SH3RF3: variants seen among roughly 807,000 people sequenced by gnomAD.
The protein encoded by SH3RF3 is E3 ubiquitin-protein ligase SH3RF3.
SH3RF3 carries 29 observed loss-of-function variants against 66.3 expected under a neutral mutation model. The ratio of observed to expected loss-of-function variants is 0.44; its 90% CI spans 0.33 to 0.60. SH3RF3 has a LOEUF of 0.60. SH3RF3 is among the 20% of genes least tolerant of loss of function. SH3RF3 has a pLI of 0.04. For synonymous variants in SH3RF3, 583 were observed against 532.0 expected, an observed-to-expected ratio of 1.10 and a Z score of -1.32; for missense variants, 1,194 against 1,190.9, an observed-to-expected ratio of 1.00 and a Z score of -0.04.
chr2:109,453,421 T>C (rs1328968366), intron 8 of SH3RF3, among the ~76,000 whole-genome samples: 1 of 152,224 alleles, frequency 6.6e-6, no homozygotes, highest in African/African-American at 2.4e-5. Context: ...ACACTGCCTA[T>C]TGTGTCCATC....
Position 109,221,512 on chromosome 2 carries a change from G to A in SH3RF3, c.573+91399G>A, listed in dbSNP as rs574427910. On this transcript the variant is annotated intron_variant, in intron 1 of 9. Transcript: ENST00000309415. Reference sequence around the variant, plus strand: ...GCAGAGAATTGCTTGAACCTGGGAGGCAGAGGCTGCGGTAAGCCGCGATCG... The same window carrying A: ...GCAGAGAATTGCTTGAACCTGGGAGACAGAGGCTGCGGTAAGCCGCGATCG... Among the ~76,000 whole-genome samples, 153 of 151,372 alleles carry A rather than the reference G, an allele frequency of 1.0e-3. 1 individual carries two copies. The highest frequency in any genetic ancestry group is 3.6e-3 in the African/African-American group (146 of 41,096).
At chr2:109,478,702 G>C (rs1368685141) in intron 8 of SH3RF3, among the ~76,000 whole-genome samples, 1 of 152,160 alleles carries the variant, frequency 6.6e-6, no homozygotes, top group Admixed American at 6.5e-5. Context: ...AGGGAGAGAG[G>C]GGGAGAGTCT....
intron 1 of SH3RF3, among the ~76,000 whole-genome samples, chr2:109,267,465 A>G (rs966953255): frequency 1.3e-5 from 2 of 152,226 alleles, no homozygotes; most frequent in Admixed American, 6.5e-5. Context: ...GCTGCTTTTC[A>G]TAAAGACAGA....
intron 1 of SH3RF3, among the ~76,000 whole-genome samples, chr2:109,177,775 G>T (rs1677957055): frequency 6.6e-6 from 1 of 152,196 alleles, no homozygotes; most frequent in Non-Finnish European, 1.5e-5. Context: ...GTAGATTTCA[G>T]ATGTAAGAAA....
chr2:109,403,199 G>C (rs1378447357), intron 4 of SH3RF3, among the ~76,000 whole-genome samples: 2 of 152,224 alleles, frequency 1.3e-5, no homozygotes, highest in Non-Finnish European at 1.5e-5. Context: ...CATGAAGCCT[G>C]GGAGCACAGC....
chr2:109,383,064 C>CA (rs1407837205), intron 3 of SH3RF3, among the ~76,000 whole-genome samples: 1 of 152,230 alleles, frequency 6.6e-6, no homozygotes, highest in Non-Finnish European at 1.5e-5. Context: ...AAACCGGTGT[C>CA]AGATTCCATG....
chr2:109,255,156 G>C (rs188503368), intron 1 of SH3RF3, among the ~76,000 whole-genome samples: 1 of 152,130 alleles, frequency 6.6e-6, no homozygotes, highest in African/African-American at 2.4e-5. Context: ...ACATGTGCAC[G>C]TGTGCAACTC....
intron 4 of SH3RF3, among the ~76,000 whole-genome samples, chr2:109,416,714 AGCAAGAC>A (rs1416875098): frequency 1.3e-5 from 2 of 151,880 alleles, no homozygotes; most frequent in African/African-American, 2.4e-5. Context: ...TGGGTGACAG[AGCAAGAC>A]TCTGTCTCAA....
At chr2:109,422,685 C>T (rs990914979) in intron 5 of SH3RF3, among the ~76,000 whole-genome samples, 1 of 152,188 alleles carries the variant, frequency 6.6e-6, no homozygotes, top group African/African-American at 2.4e-5. Context: ...ATTGTCTGCT[C>T]CTAGAGGCCA....
intron 3 of SH3RF3, among the ~76,000 whole-genome samples, chr2:109,376,181 C>T (rs931757737): frequency 2.6e-5 from 4 of 152,254 alleles, no homozygotes; most frequent in Admixed American, 6.5e-5. Flanking sequence ...TGTGTCATTC[C>T]TGAGCACTGA....
chr2:109,134,440 T>C (rs1676772196), intron 1 of SH3RF3, among the ~76,000 whole-genome samples: 1 of 152,182 alleles, frequency 6.6e-6, no homozygotes, highest in Non-Finnish European at 1.5e-5. Context: ...AGAAGGCCCC[T>C]GAGTGTGGAA....
chr2:109,421,934 G>A (rs1676894548), intron 5 of SH3RF3, among the ~76,000 whole-genome samples: 1 of 152,184 alleles, frequency 6.6e-6, no homozygotes, highest in African/African-American at 2.4e-5. Flanking sequence ...GATGCATTCT[G>A]AAAACATGAC....
In SH3RF3 at chr2:109,229,251, T is replaced by G. The variant is rs142147733; in HGVS notation, c.573+99138T>G. ...TCCCCCTTTTTAGTACACTTCTTAT[T>G]TGGAGCAGTGGTGAGTAGAGTATGA... On this transcript the variant is annotated intron_variant, in intron 1 of 9. Transcript: ENST00000309415. Among the ~76,000 whole-genome samples the G allele has an allele frequency of 7.2e-3, 1,099 of 152,300 alleles. 7 individuals carry two copies. The highest frequency in any genetic ancestry group is 0.01 in the Non-Finnish European group (692 of 68,020).
intron 4 of SH3RF3, among the ~76,000 whole-genome samples, chr2:109,399,726 C>T (rs1036283781): frequency 2.6e-5 from 4 of 152,254 alleles, no homozygotes; most frequent in Admixed American, 1.3e-4. Context: ...GTGGCATGCA[C>T]AGGGCAGGAG....
At chr2:109,317,236 C>G (rs947738216) in intron 1 of SH3RF3, among the ~76,000 whole-genome samples, 2 of 152,098 alleles carry the variant, frequency 1.3e-5, no homozygotes, top group Non-Finnish European at 2.9e-5. Flanking sequence ...CGGATGGAAT[C>G]TCCTAGTGTA....
intron 7 of SH3RF3, among the ~76,000 whole-genome samples, chr2:109,439,615 TTAATG>T (rs1677505714): frequency 6.6e-6 from 1 of 152,070 alleles, no homozygotes; most frequent in African/African-American, 2.4e-5. Context: ...TTCTACTTGA[TTAATG>T]TAACTCCTTT....
At chr2:109,353,519 A>T (rs373480254) in intron 2 of SH3RF3, among the ~76,000 whole-genome samples, 67 of 152,194 alleles carry the variant, frequency 4.4e-4, no homozygotes, top group African/African-American at 1.5e-3. Context: ...AACATAGGGC[A>T]GCAAGGGGCG....
chr2:109,351,138 A>G (rs1285879127), intron 2 of SH3RF3, among the ~76,000 whole-genome samples: 1 of 152,224 alleles, frequency 6.6e-6, no homozygotes, highest in African/African-American at 2.4e-5. Flanking sequence ...GACTCCAGAA[A>G]GCTGGGCATG....
At chr2:109,254,610 C>T (rs1374548957) in intron 1 of SH3RF3, among the ~76,000 whole-genome samples, 2 of 152,186 alleles carry the variant, frequency 1.3e-5, no homozygotes, top group East Asian at 1.9e-4. Context: ...CCCATGACCC[C>T]GTGAGAAGGT....
Sources: allele counts gnomAD v4.1 joint callset (sites outside exome capture counted in the v4.1 genomes callset), GRCh38; gene constraint gnomAD v4.1.1; transcripts MANE v1.5; gene names NCBI Gene and HGNC (gene_info 2026-07-23, HGNC 2026-07-21).